The following ATG4C variants were observed in gnomAD, a reference collection of about 807,000 sequenced individuals.
ATG4C encodes the protein cysteine protease ATG4C.
A neutral mutation model predicts 57.6 loss-of-function variants in ATG4C; 56 were observed. That is an observed-to-expected ratio of 0.97 (90% confidence interval 0.78 to 1.21). ATG4C has a LOEUF of 1.21. Among genes scored for constraint, ATG4C ranks in the 50% most tolerant of loss-of-function variants. ATG4C has a pLI of 0.00. For synonymous variants in ATG4C, 157 were observed against 174.1 expected (o/e 0.90, Z 0.78); for missense variants, 595 against 529.8 (o/e 1.12, Z -1.21).
rs75418013 is a variant in ATG4C at position 62,853,360 on chromosome 1, G to A, written c.1210-10632G>A. Among the ~76,000 whole-genome samples the A allele has an allele frequency of 7.5e-3, 1,139 of 152,274 alleles. 12 individuals are homozygous for A. Among genetic ancestry groups the A allele is most frequent in the African/African-American group, 0.026 (1,077 of 41,548 alleles). ...TGGAATGAAAATACTAATAGCCACC[G>A]TTCTCTGTAACATCATTATGAGGAT... is the stretch of plus-strand genomic sequence containing the variant. On this transcript the variant is annotated intron_variant, in intron 10 of 10. Transcript: ENST00000317868.
chr1:62,790,492 C>T (rs1016214527), intron 1 of ATG4C, among the ~76,000 whole-genome samples: 11 of 152,120 alleles, frequency 7.2e-5, no homozygotes, highest in Non-Finnish European at 1.5e-4. Context: ...TAGAATATAT[C>T]CCACTAAAGG....
chr1:62,793,051 T>C (rs1664335045), intron 1 of ATG4C, among the ~76,000 whole-genome samples: 1 of 149,702 alleles, frequency 6.7e-6, no homozygotes, highest in Non-Finnish European at 1.5e-5. Context: ...CACGCCCGGC[T>C]AATTTTTTGT....
At chr1:62,849,476 T>A (rs1329019593) in intron 10 of ATG4C, among the ~76,000 whole-genome samples, 1 of 152,150 alleles carries the variant, frequency 6.6e-6, no homozygotes, top group Non-Finnish European at 1.5e-5. Flanking sequence ...TTAATTGCTC[T>A]CAGATGCTTT....
intron 9 of ATG4C, among the ~76,000 whole-genome samples, chr1:62,840,577 CAT>C (rs1340548827): frequency 6.6e-6 from 1 of 152,154 alleles, no homozygotes; most frequent in East Asian, 1.9e-4. Context: ...AATTTTTAAA[CAT>C]AGTACTAAGG....
chr1:62,791,425 A>C (rs530373963), intron 1 of ATG4C, among the ~76,000 whole-genome samples: 2 of 152,332 alleles, frequency 1.3e-5, no homozygotes, highest in South Asian at 4.1e-4. Context: ...TCTGTCTTTC[A>C]TTGCTTATAA....
At chr1:62,852,119 G>T (rs80264074) in intron 10 of ATG4C, among the ~76,000 whole-genome samples, 1 of 152,130 alleles carries the variant, frequency 6.6e-6, no homozygotes, top group Admixed American at 6.5e-5. Context: ...GGCCTATTCA[G>T]TTCAGGTTGT....
At chr1:62,854,283 C>CTTT (rs1342310702) in intron 10 of ATG4C, among the ~76,000 whole-genome samples, 1 of 138,604 alleles carries the variant, frequency 7.2e-6, no homozygotes, top group Non-Finnish European at 1.6e-5. Context: ...CTTTTTCTTT[C>CTTT]TTTTTTTTTT....
Position 62,816,605 on chromosome 1 carries a change from G to A in ATG4C, c.191G>A (p.Gly64Glu), listed in dbSNP as rs1317382388. The change falls in exon 4 of 11, where the codon GGA becomes GAA. Residue 64 changes from glycine to glutamate, a missense_variant. Transcript: ENST00000317868. ...GATAAAACGTTACCTGCAGAGTCGG[G>A]ATGTACAATAGAGGATCACGTAATT... ...DEDKTLPAES[G>E]CTIEDHVIAG... 6.2e-7 allele frequency: 1 copy of A among 1,612,798 alleles called. No homozygotes were observed. The highest frequency in any genetic ancestry group is 8.5e-7 in the Non-Finnish European group (1 of 1,179,378).
At chr1:62,809,375 A>T (rs947553068) in intron 3 of ATG4C, among the ~76,000 whole-genome samples, 1 of 148,538 alleles carries the variant, frequency 6.7e-6, no homozygotes, top group Non-Finnish European at 1.5e-5. Flanking sequence ...ATATATGTAC[A>T]TTATAGTAAA....
At chr1:62,835,427 A>G in intron 9 of ATG4C, 2 of 337,252 alleles carry the variant, frequency 5.9e-6, no homozygotes, top group Admixed American at 4.0e-5. Context: ...AAAATTTGAG[A>G]ATACATAAAT....
At chr1:62,822,079 G>A (rs1048457907) in intron 6 of ATG4C, among the ~76,000 whole-genome samples, 1 of 152,010 alleles carries the variant, frequency 6.6e-6, no homozygotes, top group African/African-American at 2.4e-5. Context: ...AATTAAAAAT[G>A]GCTTAGCCAC....
intron 3 of ATG4C, among the ~76,000 whole-genome samples, chr1:62,814,894 G>A (rs187091977): frequency 8.9e-4 from 135 of 152,100 alleles, no homozygotes; most frequent in Non-Finnish European, 1.3e-3. Context: ...GAGACACCTC[G>A]TCTCAACTAA....
At chr1:62,859,310 T>C (rs1666776399) in intron 10 of ATG4C, among the ~76,000 whole-genome samples, 1 of 152,184 alleles carries the variant, frequency 6.6e-6, no homozygotes, top group Non-Finnish European at 1.5e-5. Flanking sequence ...GTCCTAAGCA[T>C]TTCAGGTAAG....
At chr1:62,796,186 G>A (rs893544361) in intron 1 of ATG4C, among the ~76,000 whole-genome samples, 1 of 143,176 alleles carries the variant, frequency 7.0e-6, no homozygotes. Context: ...AAGCAGGCAA[G>A]CGGTTTCCTC....
At chr1:62,847,595 G>A (rs1666366065) in intron 10 of ATG4C, among the ~76,000 whole-genome samples, 1 of 152,098 alleles carries the variant, frequency 6.6e-6, no homozygotes, top group Non-Finnish European at 1.5e-5. Flanking sequence ...CACACAATGA[G>A]TAAAAAATCA....
At chr1:62,785,729 TC>T (rs1664060287) in intron 1 of ATG4C, among the ~76,000 whole-genome samples, 1 of 152,212 alleles carries the variant, frequency 6.6e-6, no homozygotes, top group Non-Finnish European at 1.5e-5. Flanking sequence ...TCAAGTATGA[TC>T]TATACATGTC....
chr1:62,807,960 G>T (rs535129795), intron 3 of ATG4C, among the ~76,000 whole-genome samples: 1 of 152,318 alleles, frequency 6.6e-6, no homozygotes, highest in African/African-American at 2.4e-5. Context: ...GCTAACTTCA[G>T]GTAGTTAGTT....
In ATG4C at chr1:62,819,054, A is replaced by T. The variant is rs777161599; in HGVS notation, c.444A>T (p.Ser148=). Reference sequence around the variant, plus strand: ...ATATTGAAAATTCAGACTCTGAATCATGGACTTCCCACACTGTCAAAAAAT... The same window carrying T: ...ATATTGAAAATTCAGACTCTGAATCTTGGACTTCCCACACTGTCAAAAAAT... ...ALNIENSDSE[S]WTSHTVKKFT... is the part of the protein sequence containing the mutation. Residue 148 remains serine (S), a synonymous_variant, in exon 5 of 11, where the codon TCA becomes TCT. Coordinates refer to ENST00000317868, the MANE Select transcript of ATG4C (RefSeq NM_032852.4). 1 of 1,596,600 alleles carries T rather than the reference A, an allele frequency of 6.3e-7. No homozygotes were observed. The highest frequency in any genetic ancestry group is 1.7e-5 in the Admixed American group (1 of 58,074).
chr1:62,848,093 T>A (rs1361648044), intron 10 of ATG4C, among the ~76,000 whole-genome samples: 1 of 152,218 alleles, frequency 6.6e-6, no homozygotes, highest in Admixed American at 6.5e-5. Context: ...CAGAAAGACA[T>A]GTTATAAAAG....
Sources: gnomAD v4.1 joint callset for allele counts (sites outside exome capture counted in the v4.1 genomes callset) on GRCh38, gnomAD v4.1.1 for gene constraint, MANE v1.5 for transcripts, NCBI Gene and HGNC (gene_info 2026-07-23, HGNC 2026-07-21) for gene names.